The following DPY19L4 variants were observed in gnomAD, a reference collection of about 807,000 sequenced individuals.
DPY19L4 encodes the protein dpy-19 like 4.
In DPY19L4, 97 loss-of-function variants were observed where a neutral mutation model predicts 102.8. That is an observed-to-expected ratio of 0.94 (90% confidence interval 0.80 to 1.12). DPY19L4 has a LOEUF of 1.12. DPY19L4 is among the 50% of genes most tolerant of loss of function. The pLI, the probability that DPY19L4 is intolerant of heterozygous loss-of-function variation, is 0.00. For synonymous variants in DPY19L4, 252 were observed against 283.1 expected, an observed-to-expected ratio of 0.89 and a Z score of 1.10; for missense variants, 815 against 850.4, an observed-to-expected ratio of 0.96 and a Z score of 0.52.
At chr8:94,762,954 C>CTT (rs111479023) in intron 8 of DPY19L4, among the ~76,000 whole-genome samples, 199 of 146,922 alleles carry the variant, frequency 1.4e-3, no homozygotes, top group Admixed American at 5.4e-3. Flanking sequence ...TGAGGTCTCT[C>CTT]TTTTTTTTTT....
Position 94,738,473 on chromosome 8 carries a change from A to T in DPY19L4, c.343+14A>T. The stretch of plus-strand genomic sequence containing the variant: ...CATTTGAAAGAGGTATGATAATCAC[A>T]GTTATATTTTTAATAACAGTATTTT... On this transcript the variant is annotated intron_variant, in intron 4 of 18. Coordinates refer to ENST00000414645, the MANE Select transcript of DPY19L4 (RefSeq NM_181787.3). The T allele has an allele frequency of 3.5e-6, 5 of 1,412,808 alleles. No individual in the cohort carries two copies. The highest frequency in any genetic ancestry group is 4.8e-6 in the Non-Finnish European group (5 of 1,044,934). The allele number at this position is 1,412,808 out of a possible 1,614,324, so 87.5% of individuals were successfully genotyped here.
At chr8:94,780,460 C>A in intron 15 of DPY19L4, 45 bp downstream of exon 15, 1 of 1,220,392 alleles carries the variant, frequency 8.2e-7, no homozygotes, top group Non-Finnish European at 1.1e-6. Flanking sequence ...ACTTTATCTA[C>A]AAAGGTAGTG....
chr8:94,740,117 G>A (rs1811378931), intron 6 of DPY19L4, among the ~76,000 whole-genome samples: 1 of 152,192 alleles, frequency 6.6e-6, no homozygotes, highest in African/African-American at 2.4e-5. Context: ...CAATGATATT[G>A]TAAGAGGACT....
intron 12 of DPY19L4, among the ~76,000 whole-genome samples, chr8:94,770,077 G>A (rs1812858429): frequency 6.6e-6 from 1 of 151,812 alleles, no homozygotes; most frequent in Non-Finnish European, 1.5e-5. Flanking sequence ...AATAGAGATG[G>A]GGTTTCATCA....
intron 1 of DPY19L4, 33 bp downstream of exon 1, chr8:94,720,047 T>G: frequency 6.6e-7 from 1 of 1,524,136 alleles, no homozygotes; most frequent in Non-Finnish European, 8.8e-7. Context: ...CGCCAACGGC[T>G]GCCAGTGGTC....
rs778991220 is a variant in DPY19L4, at chr8:94,761,747, G to A, written c.783G>A (p.Met261Ile). 3 of 1,611,472 alleles carry A rather than the reference G, an allele frequency of 1.9e-6. No individual in the cohort carries two copies. The highest frequency in any genetic ancestry group is 1.7e-5 in the Admixed American group (1 of 59,694). The change falls in exon 8 of 19, where the codon ATG becomes ATA. Residue 261 changes from methionine to isoleucine, a missense_variant. By Grantham distance (10) the Met-to-Ile change is conservative (BLOSUM62 1). Transcript: ENST00000414645. ...GTGCTTCAACTTACACATTTATGAT[G>A]ATGTGGGAGTATAGCCACTATCTCC... ...LMSASTYTFMMMWEYSHYLLF... is the reference protein window; with the variant it reads ...LMSASTYTFMIMWEYSHYLLF...
intron 16 of DPY19L4, 94 bp downstream of exon 16, chr8:94,781,260 C>A: frequency 8.9e-7 from 1 of 1,128,612 alleles, no homozygotes; most frequent in South Asian, 2.2e-5. Flanking sequence ...ATTAATACTT[C>A]TCCAAATTTT....
At chr8:94,738,190 C>A (rs953006012) in intron 3 of DPY19L4, among the ~76,000 whole-genome samples, 179 bp from the exon 4 acceptor site, 1 of 149,854 alleles carries the variant, frequency 6.7e-6, no homozygotes, top group African/African-American at 2.5e-5. Flanking sequence ...TGGTGGCAGG[C>A]GCCTGTAGTC....
intron 2 of DPY19L4, among the ~76,000 whole-genome samples, chr8:94,732,463 G>A (rs1811003775): frequency 1.3e-5 from 2 of 152,124 alleles, no homozygotes; most frequent in Admixed American, 6.5e-5. Context: ...AAGCCAAAGT[G>A]GAAGGATCTG....
Position 94,765,321 on chromosome 8 carries a change from A to G in DPY19L4, c.1002+7A>G. The stretch of plus-strand genomic sequence containing the variant: ...GCTTGCTAAGTGCCTTCAGGTAACT[A>G]GAATTATCTTTTTATTGTTCTTATT... On this transcript the variant is annotated splice_region_variant and intron_variant, in intron 9 of 18. Transcript: ENST00000414645. The G allele has an allele frequency of 6.3e-7, 1 of 1,586,074 alleles. No individual in the cohort carries two copies. The highest frequency in any genetic ancestry group is 2.2e-5 in the East Asian group (1 of 44,518).
intron 6 of DPY19L4, chr8:94,744,311 C>A (rs1210934692): frequency 8.8e-6 from 4 of 455,794 alleles, no homozygotes; most frequent in African/African-American, 2.0e-5. Context: ...GCCAGGGAGG[C>A]CTTAATTTCT....
intron 2 of DPY19L4, among the ~76,000 whole-genome samples, chr8:94,728,214 G>T (rs916709527): frequency 5.9e-5 from 9 of 152,220 alleles, no homozygotes; most frequent in African/African-American, 2.2e-4. Context: ...CTGCAAGCAG[G>T]CCTTTCTCAG....
chr8:94,756,257 AT>A, intron 7 of DPY19L4, 98 bp downstream of exon 7: 1 of 1,476,732 alleles, frequency 6.8e-7, no homozygotes, highest in South Asian at 1.4e-5. Context: ...TAAGAATTAA[AT>A]CATATTTAAT....
intron 4 of DPY19L4, 80 bp from the exon 5 acceptor site, chr8:94,739,333 T>C: frequency 1.4e-6 from 2 of 1,437,108 alleles, no homozygotes; most frequent in Non-Finnish European, 9.2e-7. Context: ...ATAACAATAT[T>C]AAATATTTAA....
intron 10 of DPY19L4, among the ~76,000 whole-genome samples, 177 bp downstream of exon 10, chr8:94,765,986 T>A (rs1812656195): frequency 6.6e-6 from 1 of 152,234 alleles, no homozygotes; most frequent in Non-Finnish European, 1.5e-5. Context: ...GATTCTTTTC[T>A]GTATGTAGTT....
In DPY19L4 at chr8:94,783,803, G is replaced by A. The variant is rs1249689802; in HGVS notation, c.1848+1G>A. Reference sequence around the variant, plus strand: ...TGATCTTCTCAAGAGAAATGAAAATGTAAGACATTTTAAATTCTACATTTG... The same window carrying A: ...TGATCTTCTCAAGAGAAATGAAAATATAAGACATTTTAAATTCTACATTTG... On this transcript the variant is annotated splice_donor_variant, in intron 17 of 18. Transcript: ENST00000414645. LOFTEE classifies it high-confidence loss of function. The A allele has an allele frequency of 6.2e-7, 1 of 1,613,754 alleles. No individual in the cohort carries two copies. The highest frequency in any genetic ancestry group is 1.7e-5 in the Admixed American group (1 of 59,940).
chr8:94,761,973 G>T (rs1230681639), intron 8 of DPY19L4, 139 bp downstream of exon 8: 1 of 891,204 alleles, frequency 1.1e-6, no homozygotes, highest in East Asian at 3.1e-5. Context: ...TTTGGACAGA[G>T]AGAAGTTAAT....
chr8:94,739,035 CT>C (rs1212843985), intron 4 of DPY19L4, among the ~76,000 whole-genome samples: 1 of 152,070 alleles, frequency 6.6e-6, no homozygotes, highest in African/African-American at 2.4e-5. Context: ...CAACTCTCAG[CT>C]TTTTGAAAAT....
intron 3 of DPY19L4, among the ~76,000 whole-genome samples, chr8:94,737,654 G>A (rs1196836773): frequency 6.6e-6 from 1 of 151,502 alleles, no homozygotes; most frequent in Non-Finnish European, 1.5e-5. Flanking sequence ...GTGGTGGCGG[G>A]TGCCTGTAGT....
Sources: gnomAD v4.1 joint callset for allele counts (sites outside exome capture counted in the v4.1 genomes callset) on GRCh38, gnomAD v4.1.1 for gene constraint, MANE v1.5 for transcripts, NCBI Gene and HGNC (gene_info 2026-07-23, HGNC 2026-07-21) for gene names.